TNKS: variants seen among roughly 807,000 people sequenced by gnomAD.
TNKS encodes tankyrase.
A neutral mutation model predicts 135.8 loss-of-function variants in TNKS; 72 were observed. The observed-to-expected ratio is 0.53, with a 90% CI of 0.44 to 0.64. TNKS has a LOEUF of 0.64. Among genes scored for constraint, TNKS ranks in the 30% least tolerant of loss-of-function variants. TNKS has a pLI of 0.00. For synonymous variants in TNKS, 849 were observed against 649.3 expected (o/e 1.31, Z -4.68); for missense variants, 1,769 against 1,674.0 (o/e 1.06, Z -0.99).
chr8:9,699,510 T>C (rs1285590601), intron 5 of TNKS, among the ~76,000 whole-genome samples: 2 of 152,226 alleles, frequency 1.3e-5, no homozygotes. Context: ...TGCCATTTTC[T>C]CAAATTTATT....
intron 2 of TNKS, among the ~76,000 whole-genome samples, chr8:9,586,449 G>T (rs1342176814): frequency 6.6e-6 from 1 of 151,860 alleles, no homozygotes; most frequent in African/African-American, 2.4e-5. Flanking sequence ...ATACTTCAGG[G>T]ACTCCTTGTT....
intron 11 of TNKS, among the ~76,000 whole-genome samples, chr8:9,718,373 G>A (rs1046496464): frequency 6.6e-6 from 1 of 152,148 alleles, no homozygotes; most frequent in African/African-American, 2.4e-5. Context: ...GAGTGATGTA[G>A]ACAATGATAG....
intron 2 of TNKS, among the ~76,000 whole-genome samples, chr8:9,580,613 CAATTTT>C (rs1169074287): frequency 2.0e-5 from 3 of 152,058 alleles, no homozygotes; most frequent in Non-Finnish European, 4.4e-5. Context: ...ATGTGGAACT[CAATTTT>C]AATGGATTAC....
intron 18 of TNKS, among the ~76,000 whole-genome samples, chr8:9,749,174 C>A (rs1005513206): frequency 6.6e-6 from 1 of 152,234 alleles, no homozygotes; most frequent in Non-Finnish European, 1.5e-5. Flanking sequence ...ATTCCACCTT[C>A]TTTGAAAGGA....
At chr8:9,721,161 GC>G (rs1804860096) in intron 12 of TNKS, among the ~76,000 whole-genome samples, 1 of 151,510 alleles carries the variant, frequency 6.6e-6, no homozygotes, top group South Asian at 2.1e-4. Context: ...ATGCCTTGTA[GC>G]CCCAGCTACT....
chr8:9,681,542 G>GT (rs1170938426), intron 5 of TNKS, among the ~76,000 whole-genome samples: 12 of 150,984 alleles, frequency 7.9e-5, no homozygotes, highest in East Asian at 3.9e-4. Context: ...CATAAAGTTG[G>GT]TTTTTTTTTA....
chr8:9,775,753 T>C (rs953329760), intron 26 of TNKS, among the ~76,000 whole-genome samples: 27 of 152,030 alleles, frequency 1.8e-4, no homozygotes, highest in African/African-American at 6.5e-4. Flanking sequence ...AAGTAGTTTG[T>C]TGGTCAGCAT....
chr8:9,680,377 AT>A (rs1301621424), intron 4 of TNKS, among the ~76,000 whole-genome samples: 1 of 150,676 alleles, frequency 6.6e-6, no homozygotes, highest in African/African-American at 2.4e-5. Flanking sequence ...GTCGTTTATA[AT>A]TTAATTGATT....
intron 2 of TNKS, among the ~76,000 whole-genome samples, chr8:9,599,587 C>G (rs867355559): frequency 1.3e-5 from 2 of 152,270 alleles, no homozygotes; most frequent in Middle Eastern, 6.8e-3. Context: ...TTGTTACACT[C>G]AATCTTACAT....
chr8:9,675,182 AGCTG>A (rs1361255049), intron 3 of TNKS, among the ~76,000 whole-genome samples: 2 of 152,194 alleles, frequency 1.3e-5, no homozygotes, highest in African/African-American at 4.8e-5. Flanking sequence ...ACAGCCACAT[AGCTG>A]GTTTTTAATT....
At chr8:9,658,293 T>C (rs1801517437) in intron 3 of TNKS, 3 of 426,088 alleles carry the variant, frequency 7.0e-6, no homozygotes, top group Non-Finnish European at 1.2e-5. Context: ...GGCAGGCGGC[T>C]GCTCCTTGCC....
At chr8:9,607,391 G>A (rs1216005826) in intron 2 of TNKS, among the ~76,000 whole-genome samples, 1 of 152,168 alleles carries the variant, frequency 6.6e-6, no homozygotes, top group Non-Finnish European at 1.5e-5. Flanking sequence ...GAAAAGGGAA[G>A]AGTATATCAA....
At chr8:9,669,016 G>A (rs1195259863) in intron 3 of TNKS, among the ~76,000 whole-genome samples, 1 of 152,136 alleles carries the variant, frequency 6.6e-6, no homozygotes, top group Non-Finnish European at 1.5e-5. Context: ...TAATGTAACT[G>A]AATTAAGGGC....
At chr8:9,621,707 A>G (rs934183696) in intron 3 of TNKS, among the ~76,000 whole-genome samples, 1 of 152,158 alleles carries the variant, frequency 6.6e-6, no homozygotes, top group Non-Finnish European at 1.5e-5. Flanking sequence ...AGACTATATG[A>G]TTATTTTTCT....
intron 3 of TNKS, among the ~76,000 whole-genome samples, chr8:9,643,597 A>AACC (rs1353960890): frequency 2.6e-5 from 4 of 152,076 alleles, no homozygotes; most frequent in African/African-American, 7.2e-5. Flanking sequence ...TAAAAACAAC[A>AACC]ACCACCACCA....
intron 1 of TNKS, among the ~76,000 whole-genome samples, chr8:9,560,568 G>A (rs1797286387): frequency 1.7e-5 from 2 of 118,770 alleles, no homozygotes; most frequent in South Asian, 5.7e-4. Context: ...AATAATAGAA[G>A]TCACCATATA....
chr8:9,752,937 C>T (rs532507324), intron 20 of TNKS, among the ~76,000 whole-genome samples: 121 of 148,318 alleles, frequency 8.2e-4, no homozygotes, highest in Admixed American at 2.3e-3. Flanking sequence ...TGCATTCTAG[C>T]TTTGGCGACA....
At chr8:9,601,889 A>T (rs4841178) in intron 2 of TNKS, among the ~76,000 whole-genome samples, 1 of 151,936 alleles carries the variant, frequency 6.6e-6, no homozygotes, top group African/African-American at 2.4e-5. Flanking sequence ...TCTTTCTTCA[A>T]ATGAAATATA....
intron 25 of TNKS, among the ~76,000 whole-genome samples, chr8:9,769,423 A>T (rs547846913): frequency 6.6e-6 from 1 of 152,214 alleles, no homozygotes; most frequent in South Asian, 2.1e-4. Context: ...ATCCACTTTT[A>T]TTATTACTGT....
Sources: gnomAD v4.1 joint callset for allele counts (sites outside exome capture counted in the v4.1 genomes callset) on GRCh38, gnomAD v4.1.1 for gene constraint, MANE v1.5 for transcripts, NCBI Gene and HGNC (gene_info 2026-07-23, HGNC 2026-07-21) for gene names.